Variants in PDE4D observed in about 807,000 individuals in gnomAD.
PDE4D encodes the protein phosphodiesterase 4D, also known as 3',5'-cyclic-AMP phosphodiesterase 4D.
A neutral mutation model predicts 87.4 loss-of-function variants in PDE4D; 24 were observed. The ratio of observed to expected loss-of-function variants is 0.27; its 90% CI spans 0.20 to 0.39. PDE4D has a LOEUF of 0.39. Among genes scored for constraint, PDE4D ranks in the 10% least tolerant of loss-of-function variants. The probability of loss-of-function intolerance (pLI) is 1.00; values close to 1 mark genes in which losing one functional copy is unlikely to be tolerated. For synonymous variants in PDE4D, 384 were observed against 383.2 expected, an observed-to-expected ratio of 1.00 and a Z score of -0.02; for missense variants, 714 against 1,041.0, an observed-to-expected ratio of 0.69 and a Z score of 4.32.
chr5:59,903,560 A>G (rs1194165887), intron 3 of PDE4D, among the ~76,000 whole-genome samples: 1 of 152,200 alleles, frequency 6.6e-6, no homozygotes, highest in Non-Finnish European at 1.5e-5. Flanking sequence ...TAGAAAAAAA[A>G]CTGCAATTAC....
chr5:60,217,377 A>G (rs1290606788), intron 1 of PDE4D, among the ~76,000 whole-genome samples: 1 of 151,978 alleles, frequency 6.6e-6, no homozygotes, highest in Admixed American at 6.6e-5. Flanking sequence ...ATTAACACTA[A>G]ACTTTATACT....
intron 2 of PDE4D, among the ~76,000 whole-genome samples, chr5:60,049,403 T>A (rs1769785471): frequency 6.6e-6 from 1 of 152,242 alleles, no homozygotes; most frequent in Admixed American, 6.5e-5. Flanking sequence ...GTTCCGTTGC[T>A]GGTGAGGAAC....
intron 1 of PDE4D, among the ~76,000 whole-genome samples, chr5:60,423,894 G>T (rs1316408496): frequency 6.6e-6 from 1 of 152,158 alleles, no homozygotes; most frequent in East Asian, 1.9e-4. Flanking sequence ...TACCATCAGA[G>T]AATACTATAA....
In PDE4D at chr5:58,971,299, G is replaced by C. The variant is rs1254740095; in HGVS notation, c.*3365C>G. Reference sequence around the variant, plus strand: ...GAATCTTCCATAAACAAGCTCTAAGGTGACAAGACTATATTACAGGAGAAA... The same window carrying C: ...GAATCTTCCATAAACAAGCTCTAAGCTGACAAGACTATATTACAGGAGAAA... On this transcript the variant is annotated 3_prime_UTR_variant, in exon 15 of 15. Coordinates refer to ENST00000340635, the MANE Select transcript of PDE4D (RefSeq NM_001104631.2). 1.3e-5 allele frequency: 2 copies of C among 152,444 alleles called. No homozygotes were observed. Among genetic ancestry groups the C allele is most frequent in the Non-Finnish European group, 2.9e-5 (2 of 68,018 alleles). 9.4% of individuals were successfully genotyped at this position (152,444 alleles called of 1,614,324 possible).
chr5:59,879,836 G>T (rs995593396), intron 1 of PDE4D, among the ~76,000 whole-genome samples: 1 of 152,158 alleles, frequency 6.6e-6, no homozygotes, highest in African/African-American at 2.4e-5. Flanking sequence ...CGCTCCCCGG[G>T]TTTAAGCGAT....
intron 1 of PDE4D, among the ~76,000 whole-genome samples, chr5:59,874,558 T>C (rs775189365): frequency 6.6e-6 from 1 of 152,174 alleles, no homozygotes; most frequent in Non-Finnish European, 1.5e-5. Flanking sequence ...TCTCTACTGG[T>C]TATGATTTCT....
chr5:59,403,586 C>A (rs969075313), intron 1 of PDE4D, among the ~76,000 whole-genome samples: 1 of 151,994 alleles, frequency 6.6e-6, no homozygotes, highest in Non-Finnish European at 1.5e-5. Context: ...TGGATAATTT[C>A]ATTTAACATA....
chr5:59,445,984 T>C (rs1798284500), intron 1 of PDE4D, among the ~76,000 whole-genome samples: 1 of 152,160 alleles, frequency 6.6e-6, no homozygotes, highest in South Asian at 2.1e-4. Flanking sequence ...GGTTTAAAGA[T>C]AGAGTCCCCA....
At chr5:59,822,963 C>T (rs554809882) in intron 1 of PDE4D, among the ~76,000 whole-genome samples, 1 of 152,278 alleles carries the variant, frequency 6.6e-6, no homozygotes, top group South Asian at 2.1e-4. Context: ...GCCATTTTTC[C>T]TAATGGTCTT....
chr5:59,833,329 G>GC (rs1741527183), intron 1 of PDE4D, among the ~76,000 whole-genome samples: 1 of 151,900 alleles, frequency 6.6e-6, no homozygotes, highest in African/African-American at 2.4e-5. Flanking sequence ...CTTAGCACCA[G>GC]CCCCCAGCAA....
At chr5:59,661,853 T>C (rs1745299370) in intron 1 of PDE4D, among the ~76,000 whole-genome samples, 1 of 152,218 alleles carries the variant, frequency 6.6e-6, no homozygotes, top group Admixed American at 6.5e-5. Context: ...GGGATAGGCA[T>C]TCTGTCCTGT....
chr5:59,119,389 C>T lies in PDE4D; in HGVS notation c.808+61206G>A, dbSNP rs565360183. Among the ~76,000 whole-genome samples the T allele has an allele frequency of 1.4e-4, 22 of 152,296 alleles. No homozygotes were observed. In the South Asian group the frequency reaches 4.6e-3, roughly 32 times the overall value. ...GCTACCAGCATATGGCCTCTGTCCA[C>T]AGAAGTACATTTATCTGGGAAATTG... is the stretch of plus-strand genomic sequence containing the variant. On this transcript the variant is annotated intron_variant, in intron 5 of 14. Transcript: ENST00000340635.
chr5:59,890,755 G>A (rs950605596), intron 1 of PDE4D, among the ~76,000 whole-genome samples: 3 of 152,120 alleles, frequency 2.0e-5, no homozygotes, highest in Non-Finnish European at 4.4e-5. Context: ...CAAATTGCTC[G>A]CATCTTCTGG....
chr5:59,818,315 C>T (rs1344227608), intron 1 of PDE4D, among the ~76,000 whole-genome samples: 1 of 152,086 alleles, frequency 6.6e-6, no homozygotes, highest in Non-Finnish European at 1.5e-5. Context: ...ATCATCTTTA[C>T]CTTGTTAGGT....
At chr5:58,980,737 C>T (rs995953655) in intron 11 of PDE4D, among the ~76,000 whole-genome samples, 1 of 152,112 alleles carries the variant, frequency 6.6e-6, no homozygotes, top group South Asian at 2.1e-4. Context: ...TGTACTTCAT[C>T]TGTGCTAATC....
chr5:58,984,905 G>GATTT (rs756971783), intron 11 of PDE4D, among the ~76,000 whole-genome samples: 31 of 151,844 alleles, frequency 2.0e-4, no homozygotes, highest in Non-Finnish European at 3.4e-4. Context: ...ACATTTTATG[G>GATTT]ATTTATTTAT....
intron 2 of PDE4D, among the ~76,000 whole-genome samples, chr5:60,141,548 C>A (rs943237947): frequency 6.6e-6 from 1 of 152,126 alleles, no homozygotes; most frequent in Non-Finnish European, 1.5e-5. Flanking sequence ...TAGGACTCTT[C>A]GGTGAGCCCA....
intron 1 of PDE4D, among the ~76,000 whole-genome samples, chr5:60,222,316 C>G (rs1054947124): frequency 6.6e-6 from 1 of 152,042 alleles, no homozygotes; most frequent in Non-Finnish European, 1.5e-5. Flanking sequence ...AGCCTCCAGC[C>G]CCAGTCAAGC....
chr5:59,147,627 T>C (rs1561568715), intron 5 of PDE4D, among the ~76,000 whole-genome samples: 1 of 152,228 alleles, frequency 6.6e-6, no homozygotes, highest in Non-Finnish European at 1.5e-5. Flanking sequence ...TTGAAATCTC[T>C]ACTCTTTCAA....
Sources: gnomAD v4.1 joint callset for allele counts (sites outside exome capture counted in the v4.1 genomes callset) on GRCh38, gnomAD v4.1.1 for gene constraint, MANE v1.5 for transcripts, NCBI Gene and HGNC (gene_info 2026-07-23, HGNC 2026-07-21) for gene names.